The following CCDC91 variants were observed in gnomAD, a reference collection of about 807,000 sequenced individuals.
CCDC91 encodes the protein coiled-coil domain containing 91.
Under a neutral mutation model 63.2 loss-of-function variants are expected in CCDC91, and 48 were observed. The ratio of observed to expected loss-of-function variants is 0.76; its 90% CI spans 0.60 to 0.97. CCDC91 has a LOEUF of 0.97. CCDC91 is among the 50% of genes least tolerant of loss of function. The pLI is 0.00. For synonymous variants in CCDC91, 167 were observed against 165.8 expected (o/e 1.01, Z -0.06); for missense variants, 500 against 494.6 (o/e 1.01, Z -0.10).
chr12:28,355,745 A>G (rs1943482461), intron 6 of CCDC91, among the ~76,000 whole-genome samples: 1 of 152,160 alleles, frequency 6.6e-6, no homozygotes, highest in South Asian at 2.1e-4. Context: ...GAATTCCAGG[A>G]GAAGTTTGCT....
intron 1 of CCDC91, among the ~76,000 whole-genome samples, chr12:28,225,614 C>T (rs796476743): frequency 9.2e-5 from 14 of 152,220 alleles, no homozygotes; most frequent in African/African-American, 3.4e-4. Context: ...TGCTACTACA[C>T]CTGGCTAATT....
At chr12:28,441,072 A>G (rs1421707185) in intron 8 of CCDC91, among the ~76,000 whole-genome samples, 34 of 26,632 alleles carry the variant, frequency 1.3e-3, no homozygotes, top group Admixed American at 7.7e-3. Context: ...AAAAAAAAAA[A>G]AAAAAAAAAA....
intron 2 of CCDC91, among the ~76,000 whole-genome samples, chr12:28,258,245 T>G (rs1202518620): frequency 1.3e-5 from 2 of 152,026 alleles, no homozygotes; most frequent in African/African-American, 4.8e-5. Context: ...CTTATTTATG[T>G]TACTGAAATG....
At chr12:28,238,204 T>G (rs1945093890) in intron 1 of CCDC91, among the ~76,000 whole-genome samples, 1 of 152,176 alleles carries the variant, frequency 6.6e-6, no homozygotes, top group Non-Finnish European at 1.5e-5. Flanking sequence ...CTGTTCTATA[T>G]AATAACTTCT....
intron 12 of CCDC91, among the ~76,000 whole-genome samples, chr12:28,490,723 C>G (rs1345415818): frequency 6.6e-6 from 1 of 151,808 alleles, no homozygotes; most frequent in African/African-American, 2.4e-5. Flanking sequence ...CACTATTTCT[C>G]TATCTTAAAC....
intron 11 of CCDC91, among the ~76,000 whole-genome samples, chr12:28,458,253 T>C (rs1411693346): frequency 1.3e-5 from 2 of 151,998 alleles, no homozygotes; most frequent in African/African-American, 4.8e-5. Context: ...GATAATAAAA[T>C]CATAATGACA....
At chr12:28,480,570 C>T (rs949067440) in intron 11 of CCDC91, among the ~76,000 whole-genome samples, 2 of 151,954 alleles carry the variant, frequency 1.3e-5, no homozygotes, top group Admixed American at 6.6e-5. Flanking sequence ...CAAACTAGAA[C>T]CCAGCATAAC....
intron 8 of CCDC91, among the ~76,000 whole-genome samples, chr12:28,419,032 C>T (rs1947847239): frequency 6.6e-6 from 1 of 152,104 alleles, no homozygotes; most frequent in African/African-American, 2.4e-5. Context: ...TCCATCCATT[C>T]ATTCACTCTT....
chr12:28,201,276 C>T lies in CCDC91; in HGVS notation c.-15+10635C>T, dbSNP rs13226754. On this transcript the variant is annotated intron_variant, in intron 1 of 12. Transcript: ENST00000536442. The stretch of plus-strand genomic sequence containing the variant: ...AGGGGCTCCTCACTTCTCAGACGGG[C>T]GGTTGCCAGGCGGAGGGTCTCCTCA... 1.8e-3 allele frequency among the ~76,000 whole-genome samples: 257 copies of T among 144,344 alleles called. 1 individual carries two copies. Among genetic ancestry groups the T allele is most frequent in the Admixed American group, 4.5e-3 (64 of 14,310 alleles). The allele number at this position is 144,344 out of a possible 152,430, so 94.7% of individuals were successfully genotyped here. A position where few individuals can be genotyped will look rare whatever the true frequency, so the allele number is the denominator to read the frequency against.
intron 12 of CCDC91, among the ~76,000 whole-genome samples, chr12:28,526,707 T>G (rs1202201371): frequency 6.6e-6 from 1 of 152,094 alleles, no homozygotes; most frequent in East Asian, 1.9e-4. Context: ...TTTTCTAAAC[T>G]TTTAGTTTTC....
At chr12:28,504,571 C>T (rs1416961442) in intron 12 of CCDC91, among the ~76,000 whole-genome samples, 1 of 151,800 alleles carries the variant, frequency 6.6e-6, no homozygotes, top group Non-Finnish European at 1.5e-5. Flanking sequence ...ATATATATTG[C>T]TGTGAACTCT....
chr12:28,309,635 CCAGTCTTAATATTCATT>C (rs1187665304), intron 6 of CCDC91, among the ~76,000 whole-genome samples: 1 of 152,070 alleles, frequency 6.6e-6, no homozygotes, highest in Non-Finnish European at 1.5e-5. Context: ...GCTTCTTGAA[CCAGTCTTAATATTCATT>C]CAGTCTTAAG....
chr12:28,339,074 C>T (rs1048880747), intron 6 of CCDC91, among the ~76,000 whole-genome samples: 1 of 152,136 alleles, frequency 6.6e-6, no homozygotes, highest in Non-Finnish European at 1.5e-5. Context: ...CCCCCGACCT[C>T]AGGTGATCCA....
intron 11 of CCDC91, among the ~76,000 whole-genome samples, chr12:28,480,822 A>T (rs1328060366): frequency 6.6e-6 from 1 of 152,150 alleles, no homozygotes; most frequent in African/African-American, 2.4e-5. Context: ...TAAATAACTG[A>T]GCTATGTTTA....
At chr12:28,487,556 C>T (rs1412532318) in intron 12 of CCDC91, among the ~76,000 whole-genome samples, 1 of 151,658 alleles carries the variant, frequency 6.6e-6, no homozygotes, top group Non-Finnish European at 1.5e-5. Context: ...TGAATTAGGG[C>T]AACTCACATC....
At chr12:28,324,367 G>A (rs1233300562) in intron 6 of CCDC91, among the ~76,000 whole-genome samples, 1 of 151,800 alleles carries the variant, frequency 6.6e-6, no homozygotes, top group African/African-American at 2.4e-5. Context: ...AAAGTGGGGA[G>A]GGGGACTGTC....
chr12:28,527,289 G>A (rs1469966407), intron 12 of CCDC91, among the ~76,000 whole-genome samples: 1 of 152,124 alleles, frequency 6.6e-6, no homozygotes, highest in Non-Finnish European at 1.5e-5. Context: ...TTTGTCCCAC[G>A]GGATACTCCC....
At chr12:28,510,257 G>GTGTGTGTGTGTGTGTGTGTGTGTGTGTC (rs1481930938) in intron 12 of CCDC91, among the ~76,000 whole-genome samples, 5 of 150,798 alleles carry the variant, frequency 3.3e-5, no homozygotes, top group Admixed American at 6.6e-5. Context: ...GTGTGTGTGT[G>GTGTGTGTGTGTGTGTGTGTGTGTGTGTC]TAGAAAGAGA....
At chr12:28,271,808 T>C (rs146695970) in intron 3 of CCDC91, among the ~76,000 whole-genome samples, 57 of 151,310 alleles carry the variant, frequency 3.8e-4, no homozygotes, top group African/African-American at 1.4e-3. Context: ...TATTCTTTTG[T>C]TATTATGCTA....
Sources: gnomAD v4.1 joint callset for allele counts (sites outside exome capture counted in the v4.1 genomes callset) on GRCh38, gnomAD v4.1.1 for gene constraint, MANE v1.5 for transcripts, NCBI Gene and HGNC (gene_info 2026-07-23, HGNC 2026-07-21) for gene names.